PCDHGB6: variants seen among roughly 807,000 people sequenced by gnomAD.
PCDHGB6 encodes protocadherin gamma-B6.
Under a neutral mutation model 59.1 loss-of-function variants are expected in PCDHGB6, and 51 were observed. The ratio of observed to expected loss-of-function variants is 0.86; its 90% CI spans 0.69 to 1.09. The LOEUF is 1.09. Among genes scored for constraint, PCDHGB6 ranks in the 50% least tolerant of loss-of-function variants. PCDHGB6 has a pLI of 0.00. For missense variants in PCDHGB6, 1,148 were observed against 1,205.1 expected, an observed-to-expected ratio of 0.95 and a Z score of 0.70; for synonymous variants, 466 against 495.1, an observed-to-expected ratio of 0.94 and a Z score of 0.78.
chr5:141,431,355 C>T lies in PCDHGB6; in HGVS notation c.2418+20735C>T. 1 of 1,614,054 alleles carries T rather than the reference C, an allele frequency of 6.2e-7. No homozygotes were observed. Among genetic ancestry groups the T allele is most frequent in the South Asian group, 1.1e-5 (1 of 91,082 alleles). ...TACCCCGAATTGGTGCTGAAACGCG[C>T]CCTGGACCGCGAAGAAAAGGCTGCT... On this transcript the variant is annotated intron_variant, in intron 1 of 3. Transcript: ENST00000520790. The surrounding 1 kb of genome is among the most constrained non-coding windows in gnomAD (Gnocchi z 4.8).
Position 141,431,999 on chromosome 5 carries a change from C to G in PCDHGB6, c.2418+21379C>G. The G allele has an allele frequency of 6.2e-7, 1 of 1,614,158 alleles. No homozygotes were observed. The highest frequency in any genetic ancestry group is 1.1e-5 in the South Asian group (1 of 91,086). On this transcript the variant is annotated intron_variant, in intron 1 of 3. Transcript: ENST00000520790. This position sits in a 1 kb window ranked among gnomAD's most constrained non-coding sequence, Gnocchi z 4.8. ...CACAGACATAGTCTTGGATAGGGAA[C>G]AGGTTCCTAGCTACAACATCACAGT... is the stretch of plus-strand genomic sequence containing the variant.
chr5:141,421,997 G>A, intron 1 of PCDHGB6: 1 of 1,609,178 alleles, frequency 6.2e-7, no homozygotes. Flanking sequence ...GAAAACATCA[G>A]CTCCGGAACT....
chr5:141,422,775 T>G (rs1179216247), intron 1 of PCDHGB6: 1 of 1,614,046 alleles, frequency 6.2e-7, no homozygotes, highest in Non-Finnish European at 8.5e-7. Context: ...GTGTTCTCTA[T>G]GCCCTACAAT....
intron 1 of PCDHGB6, chr5:141,419,056 T>C (rs2096318283): frequency 6.2e-7 from 1 of 1,613,836 alleles, no homozygotes; most frequent in Non-Finnish European, 8.5e-7. Context: ...CTTCTTCTAA[T>C]AATTACTACA....
rs1210809217 is a variant in PCDHGB6 at position 141,432,990 on chromosome 5, A to G, written c.2418+22370A>G. The G allele has an allele frequency of 6.2e-7, 1 of 1,614,152 alleles. No individual in the cohort carries two copies. The highest frequency in any genetic ancestry group is 1.7e-5 in the Admixed American group (1 of 60,022). ...CCGGCGTCGCACTTTGTGGGCGTGGACGGGGTGCAGGCTTTCCTGCAGACC... is the reference window on the plus strand; with the variant it reads ...CCGGCGTCGCACTTTGTGGGCGTGGGCGGGGTGCAGGCTTTCCTGCAGACC... On this transcript the variant is annotated intron_variant, in intron 1 of 3. Transcript: ENST00000520790. This position sits in a 1 kb window ranked among gnomAD's most constrained non-coding sequence, Gnocchi z 6.0.
rs553673516 is a variant in PCDHGB6, at chr5:141,476,211, T to C, written c.2419-18596T>C. The C allele has an allele frequency of 5.4e-5, 87 of 1,613,942 alleles. No individual in the cohort carries two copies. The highest frequency in any genetic ancestry group is 7.0e-5 in the Non-Finnish European group (83 of 1,180,000). ...GGTGCCTTGAACAAGGCTTCCACGG[T>C]CATTCACTATGAGATCCCGGAGGAA... On this transcript the variant is annotated intron_variant, in intron 1 of 3. Coordinates refer to ENST00000520790, the MANE Select transcript of PCDHGB6 (RefSeq NM_018926.3). The surrounding 1 kb of genome is among the most constrained non-coding windows in gnomAD (Gnocchi z 7.6).
chr5:141,419,564 C>A (rs2096400387), intron 1 of PCDHGB6: 5 of 1,611,832 alleles, frequency 3.1e-6, no homozygotes, highest in Non-Finnish European at 4.2e-6. Context: ...TGCGCTGGGT[C>A]CCGACGGCTC....
At chr5:141,478,670 C>T (rs1413742587) in intron 1 of PCDHGB6, 28 of 1,551,664 alleles carry the variant, frequency 1.8e-5, no homozygotes, top group Non-Finnish European at 2.4e-5. Flanking sequence ...TTCACACTTT[C>T]AACTGGCCCT....
In PCDHGB6 at chr5:141,413,613, TA is replaced by T. The variant is rs2095659138; in HGVS notation, c.2418+2995del. The T allele has an allele frequency of 4.3e-6, 7 of 1,613,714 alleles. No individual in the cohort carries two copies. The East Asian group carries it at 1.6e-4, about 36-fold the overall frequency. On this transcript the variant is annotated intron_variant, in intron 1 of 3. Transcript: ENST00000520790. Reference sequence around the variant, plus strand: ...AAGCAGAAAATCTAGACGTAAAAATTAATGAAAATGTCGCTGCGGGAATGCG... The same window carrying T: ...AAGCAGAAAATCTAGACGTAAAAATTATGAAAATGTCGCTGCGGGAATGCG...
chr5:141,472,045 TA>T (rs1227282207), intron 1 of PCDHGB6, among the ~76,000 whole-genome samples: 3 of 152,170 alleles, frequency 2.0e-5, no homozygotes, highest in Non-Finnish European at 4.4e-5. Flanking sequence ...GAAAAGATTT[TA>T]AAAATGATTG....
rs146919978 is a variant in PCDHGB6, at chr5:141,489,268, G to A, written c.2419-5539G>A. 1,443 of 1,553,166 alleles carry A rather than the reference G, an allele frequency of 9.3e-4. 2 individuals are homozygous for A. The highest frequency in any genetic ancestry group is 1.2e-3 in the Non-Finnish European group (1,381 of 1,149,786). On this transcript the variant is annotated intron_variant, in intron 1 of 3. Transcript: ENST00000520790. The surrounding 1 kb of genome is among the most constrained non-coding windows in gnomAD (Gnocchi z 4.5). ...GGGGCCCAAGACACTCCCACAGCTCGCTGGGAAATGGCAAGTGCTGTGCAT... is the reference window on the plus strand; with the variant it reads ...GGGGCCCAAGACACTCCCACAGCTCACTGGGAAATGGCAAGTGCTGTGCAT...
intron 1 of PCDHGB6, chr5:141,427,729 A>G (rs1176707357): frequency 8.5e-7 from 1 of 1,170,166 alleles, no homozygotes; most frequent in African/African-American, 1.5e-5. Context: ...CTAGGGCTGA[A>G]TGGCCAAGTC....
At chr5:141,414,439 T>A in intron 1 of PCDHGB6, 1 of 1,613,874 alleles carries the variant, frequency 6.2e-7, no homozygotes, top group East Asian at 2.2e-5. Context: ...GGTATCCTCT[T>A]ACAATATCAC....
In PCDHGB6 at chr5:141,485,697, A is replaced by G. The variant is rs76923861; in HGVS notation, c.2419-9110A>G. 48,100 of 1,614,036 alleles carry G rather than the reference A, an allele frequency of 0.03. 1,433 individuals carry two copies. Among genetic ancestry groups the G allele is most frequent in the African/African-American group, 0.15 (11,542 of 75,006 alleles). The stretch of plus-strand genomic sequence containing the variant: ...ATTAGCAGCTATAGGCTGAGCTCCA[A>G]TGAACACTTTGCACTGGATGTGAAG... On this transcript the variant is annotated intron_variant, in intron 1 of 3. Transcript: ENST00000520790. The surrounding 1 kb of genome is among the most constrained non-coding windows in gnomAD (Gnocchi z 5.7).
At chr5:141,481,229 A>T (rs989963485) in intron 1 of PCDHGB6, among the ~76,000 whole-genome samples, 1 of 152,212 alleles carries the variant, frequency 6.6e-6, no homozygotes, top group Non-Finnish European at 1.5e-5. Flanking sequence ...TCCCAGCCTT[A>T]AAGTATTACA....
intron 1 of PCDHGB6, chr5:141,441,995 G>T: frequency 8.1e-6 from 2 of 246,740 alleles, no homozygotes; most frequent in Non-Finnish European, 8.0e-6. Flanking sequence ...CCGACGAGGT[G>T]CTGACAGCTC....
At chr5:141,412,479 T>G (rs1282087411) in intron 1 of PCDHGB6, 1 of 152,180 alleles carries the variant, frequency 6.6e-6, no homozygotes, top group African/African-American at 2.4e-5. Context: ...TTTAAAAACC[T>G]CTTACACAAT....
In PCDHGB6 at chr5:141,490,598, G is replaced by A. The variant is rs141484080; in HGVS notation, c.2419-4209G>A. On this transcript the variant is annotated intron_variant, in intron 1 of 3. Transcript: ENST00000520790. This position sits in a 1 kb window ranked among gnomAD's most constrained non-coding sequence, Gnocchi z 5.4. ...TCAGATGTCAATGACAATGCACCCC[G>A]CTTCAACCAGCAGCTTTACACTGCT... 309 of 1,614,062 alleles carry A rather than the reference G, an allele frequency of 1.9e-4. 2 individuals carry two copies. Among genetic ancestry groups the A allele is most frequent in the Admixed American group, 5.0e-4 (30 of 60,018 alleles).
Position 141,415,174 on chromosome 5 carries a change from G to C in PCDHGB6, c.2418+4554G>C, listed in dbSNP as rs1368688199. ...CTCCGCCACTGTCACGCTCACCGTG[G>C]CCGTGGCCGACAGCATCCCCCAAGT... On this transcript the variant is annotated intron_variant, in intron 1 of 3. Transcript: ENST00000520790. 4 of 1,613,784 alleles carry C rather than the reference G, an allele frequency of 2.5e-6. No homozygotes were observed. The African/African-American group carries it at 4.0e-5, about 16-fold the overall frequency.
Sources: gnomAD v4.1 joint callset for allele counts (sites outside exome capture counted in the v4.1 genomes callset) on GRCh38, gnomAD v4.1.1 for gene constraint, Gnocchi (gnomAD v3.1) non-coding constraint, MANE v1.5 for transcripts, NCBI Gene and HGNC (gene_info 2026-07-23, HGNC 2026-07-21) for gene names.